IFT122: variants seen among roughly 807,000 people sequenced by gnomAD.
IFT122 encodes the protein intraflagellar transport protein 122 homolog.
A neutral mutation model predicts 161.6 loss-of-function variants in IFT122; 118 were observed. The observed-to-expected ratio is 0.73, with a 90% confidence interval of 0.63 to 0.85. The LOEUF (loss-of-function observed/expected upper bound fraction) is 0.85. Among genes scored for constraint, IFT122 ranks in the 40% least tolerant of loss-of-function variants. The probability of loss-of-function intolerance (pLI) is 0.00; values close to 1 mark genes in which losing one functional copy is unlikely to be tolerated. For missense variants in IFT122, 1,381 were observed against 1,579.6 expected, an observed-to-expected ratio of 0.87 and a Z score of 2.13; for synonymous variants, 550 against 602.4, an observed-to-expected ratio of 0.91 and a Z score of 1.27.
chr3:129,476,281 G>T (rs763595907), intron 9 of IFT122, 34 bp from the exon 10 acceptor site: 2 of 1,611,826 alleles, frequency 1.2e-6, no homozygotes, highest in South Asian at 1.1e-5. Flanking sequence ...ATTCGGAAAT[G>T]GTTTTTCCCT....
intron 3 of IFT122, among the ~76,000 whole-genome samples, chr3:129,453,090 T>C (rs1314999738): frequency 6.6e-6 from 1 of 152,084 alleles, no homozygotes; most frequent in African/African-American, 2.4e-5. Flanking sequence ...GTTTTATACA[T>C]GCTGAATTTG....
chr3:129,496,138 G>A (rs577578618), intron 18 of IFT122, among the ~76,000 whole-genome samples: 3 of 152,104 alleles, frequency 2.0e-5, no homozygotes, highest in African/African-American at 7.2e-5. Flanking sequence ...CACGCCTGCC[G>A]GCTGCAGAGT....
At chr3:129,501,020 C>T (rs550345526) in intron 19 of IFT122, among the ~76,000 whole-genome samples, 4 of 152,102 alleles carry the variant, frequency 2.6e-5, no homozygotes, top group Admixed American at 2.6e-4. Flanking sequence ...GAGTGTCAGG[C>T]TGGCTTTGCT....
Sources: allele counts gnomAD v4.1 joint callset (sites outside exome capture counted in the v4.1 genomes callset), GRCh38; gene constraint gnomAD v4.1.1; transcripts MANE v1.5; gene names NCBI Gene and HGNC (gene_info 2026-07-23, HGNC 2026-07-21).